The following MAP6 variants were observed in gnomAD, a reference collection of about 807,000 sequenced individuals.
MAP6 encodes the protein microtubule associated protein 6.
A neutral mutation model predicts 42.4 loss-of-function variants in MAP6; 26 were observed. The ratio of observed to expected loss-of-function variants is 0.61; its 90% CI spans 0.45 to 0.85. The LOEUF (loss-of-function observed/expected upper bound fraction) is 0.85. MAP6 is among the 40% of genes least tolerant of loss of function. The pLI is 0.00. For synonymous variants in MAP6, 418 were observed against 443.8 expected (o/e 0.94, Z 0.73); for missense variants, 966 against 1,099.0 (o/e 0.88, Z 1.71).
intron 3 of MAP6, chr11:75,605,401 A>G (rs1197009049): frequency 5.0e-6 from 5 of 995,164 alleles, no homozygotes; most frequent in Non-Finnish European, 6.0e-6. Context: ...AAAAGAACAC[A>G]TGTACCTAAA....
At chr11:75,624,260 C>T (rs1943160119) in intron 1 of MAP6, among the ~76,000 whole-genome samples, 1 of 152,314 alleles carries the variant, frequency 6.6e-6, no homozygotes, top group South Asian at 2.1e-4. Flanking sequence ...TGTGGAATTT[C>T]ATCATGAAGC....
intron 3 of MAP6, among the ~76,000 whole-genome samples, chr11:75,595,766 C>T (rs1198147009): frequency 2.1e-5 from 3 of 139,776 alleles, no homozygotes; most frequent in Non-Finnish European, 4.6e-5. Context: ...AGATCAGCTT[C>T]AATAGTTTTG....
At chr11:75,629,817 G>A (rs1227349078) in intron 1 of MAP6, among the ~76,000 whole-genome samples, 1 of 152,150 alleles carries the variant, frequency 6.6e-6, no homozygotes, top group Non-Finnish European at 1.5e-5. Context: ...ATTGCCGGGA[G>A]GGGAGTGGGC....
intron 1 of MAP6, among the ~76,000 whole-genome samples, chr11:75,617,514 C>CAAAAAAAAAAAA (rs61477947): frequency 3.6e-5 from 1 of 28,154 alleles, no homozygotes. Flanking sequence ...AGACTGTCTC[C>CAAAAAAAAAAAA]AAAAAAAAAA....
At chr11:75,641,442 C>T (rs1457135914) in intron 1 of MAP6, among the ~76,000 whole-genome samples, 1 of 151,704 alleles carries the variant, frequency 6.6e-6, no homozygotes, top group Non-Finnish European at 1.5e-5. Flanking sequence ...ATGTAACAAA[C>T]CTGCATGTTG....
intron 2 of MAP6, 119 bp downstream of exon 2, chr11:75,607,990 G>T: frequency 1.1e-6 from 1 of 894,800 alleles, no homozygotes; most frequent in Non-Finnish European, 1.7e-6. Context: ...AGGAAGCAGG[G>T]ATTTTAAAGG....
intron 3 of MAP6, among the ~76,000 whole-genome samples, chr11:75,595,892 C>T (rs536117449): frequency 1.2e-4 from 19 of 152,184 alleles, no homozygotes; most frequent in Admixed American, 9.8e-4. Context: ...TGCCTCCTTC[C>T]GTACTTCCAC....
intron 1 of MAP6, among the ~76,000 whole-genome samples, chr11:75,638,218 C>A (rs1485792211): frequency 1.3e-5 from 2 of 152,210 alleles, no homozygotes; most frequent in African/African-American, 4.8e-5. Context: ...TTACCACTCC[C>A]AGGAAGTGTC....
intron 1 of MAP6, among the ~76,000 whole-genome samples, chr11:75,661,669 A>G (rs59533422): frequency 0.015 from 2,321 of 152,216 alleles, 71 homozygotes; most frequent in East Asian, 0.13. Flanking sequence ...CTAGCAAACT[A>G]AGATAAATAG....
At chr11:75,597,529 A>T (rs901075814) in intron 3 of MAP6, among the ~76,000 whole-genome samples, 2 of 152,226 alleles carry the variant, frequency 1.3e-5, no homozygotes, top group Non-Finnish European at 2.9e-5. Context: ...GAATCTAATA[A>T]TTCTGCTAAT....
rs1478466904 is a variant in MAP6, at chr11:75,587,066, G to A, written c.2435C>T (p.Ser812Phe). ...TAPHTEYIES[S>F]P Reference sequence around the variant, plus strand: ...TGTGTCAAGGGGTGAGTGTCAAGGGGAGCTCTCAATGTATTCCGTATGGGG... The same window carrying A: ...TGTGTCAAGGGGTGAGTGTCAAGGGAAGCTCTCAATGTATTCCGTATGGGG... Residue 812 changes from serine to phenylalanine, a missense_variant, in exon 4 of 4, where the codon TCC (serine) becomes TTC (phenylalanine). Ser to Phe is a radical substitution (Grantham distance 155, BLOSUM62 -2). Transcript: ENST00000304771. The A allele has an allele frequency of 6.3e-7, 1 of 1,583,234 alleles. No individual in the cohort carries two copies. The highest frequency in any genetic ancestry group is 1.2e-5 in the South Asian group (1 of 86,290).
At chr11:75,663,147 C>T (rs1420083584) in intron 1 of MAP6, among the ~76,000 whole-genome samples, 4 of 151,440 alleles carry the variant, frequency 2.6e-5, no homozygotes, top group Non-Finnish European at 5.9e-5. Context: ...ATTTTTAGTA[C>T]AATTTTTTGT....
At chr11:75,620,351 G>A (rs1003971425) in intron 1 of MAP6, among the ~76,000 whole-genome samples, 2 of 151,940 alleles carry the variant, frequency 1.3e-5, no homozygotes, top group Non-Finnish European at 2.9e-5. Flanking sequence ...CATGCCTGTA[G>A]TCACAGCTAC....
At chr11:75,645,638 C>T (rs1943542279) in intron 1 of MAP6, among the ~76,000 whole-genome samples, 1 of 151,980 alleles carries the variant, frequency 6.6e-6, no homozygotes, top group African/African-American at 2.4e-5. Flanking sequence ...AAACATCTAA[C>T]TTAGACTACA....
intron 3 of MAP6, among the ~76,000 whole-genome samples, chr11:75,602,444 A>C (rs1474127620): frequency 1.3e-5 from 2 of 152,160 alleles, no homozygotes; most frequent in Non-Finnish European, 2.9e-5. Context: ...ATCCACAGTG[A>C]CCATAGATTA....
Position 75,667,498 on chromosome 11 carries a change from T to C in MAP6, c.872A>G (p.Glu291Gly). 6.6e-7 allele frequency: 1 copy of C among 1,510,230 alleles called. No homozygotes were observed. 93.6% of individuals were successfully genotyped at this position (1,510,230 alleles called of 1,614,324 possible). Residue 291 changes from glutamate (E) to glycine (G), a missense_variant, in exon 1 of 4, where the codon GAG becomes GGG. By Grantham distance (98) the Glu-to-Gly change is moderately conservative. This residue lies in a region of MAP6 where 943 missense variants were observed against 1,049.9 expected (regional missense o/e 0.90). Transcript: ENST00000304771. The surrounding 1 kb of genome is among the most constrained non-coding windows in gnomAD (Gnocchi z 5.6). ...AADALNRQIREEVASAVSSSY... is the reference protein window; with the variant it reads ...AADALNRQIRGEVASAVSSSY... Reference sequence around the variant, plus strand: ...GCTGCTCACTGCACTCGCCACCTCCTCGCGGATTTGCCGGTTGAGGGCGTC... The same window carrying C: ...GCTGCTCACTGCACTCGCCACCTCCCCGCGGATTTGCCGGTTGAGGGCGTC...
At chr11:75,641,422 A>G (rs1943468931) in intron 1 of MAP6, among the ~76,000 whole-genome samples, 1 of 152,090 alleles carries the variant, frequency 6.6e-6, no homozygotes, top group Admixed American at 6.6e-5. Flanking sequence ...AACTCGACAC[A>G]TGTATACATA....
intron 1 of MAP6, among the ~76,000 whole-genome samples, chr11:75,626,995 T>G (rs970956947): frequency 5.3e-5 from 8 of 152,162 alleles, no homozygotes; most frequent in African/African-American, 1.7e-4. Flanking sequence ...TTGTGACGGG[T>G]GGCAGAAAAA....
rs564356482 is a variant in MAP6, at chr11:75,614,054, G to C, written c.906-5732C>G. ...TCAACTCCTCCTTTCTGGTCTCTCT[G>C]TTCCTTCTCTGACCTGTACCTCTCT... is the stretch of plus-strand genomic sequence containing the variant. On this transcript the variant is annotated intron_variant, in intron 1 of 3. Transcript: ENST00000304771. Among the ~76,000 whole-genome samples the C allele has an allele frequency of 7.9e-5, 12 of 152,290 alleles. No individual in the cohort carries two copies. In the South Asian group the frequency reaches 2.5e-3, roughly 32 times the overall value.
Sources: allele counts gnomAD v4.1 joint callset (sites outside exome capture counted in the v4.1 genomes callset), GRCh38; gene constraint gnomAD v4.1.1; regional missense constraint gnomAD v4.1.1; non-coding constraint Gnocchi (gnomAD v3.1); transcripts MANE v1.5; gene names NCBI Gene and HGNC (gene_info 2026-07-23, HGNC 2026-07-21).